CSGALNACT1: variants seen among roughly 807,000 people sequenced by gnomAD.
The protein encoded by CSGALNACT1 is chondroitin sulfate N-acetylgalactosaminyltransferase 1.
Under a neutral mutation model 51.0 loss-of-function variants are expected in CSGALNACT1, and 52 were observed. That is an observed-to-expected ratio of 1.02 (90% CI 0.82 to 1.29). The LOEUF (loss-of-function observed/expected upper bound fraction) is 1.29. CSGALNACT1 is among the 50% of genes most tolerant of loss of function. CSGALNACT1 has a pLI of 0.00. For missense variants in CSGALNACT1, 935 were observed against 679.2 expected (o/e 1.38, Z -4.19); for synonymous variants, 341 against 254.4 (o/e 1.34, Z -3.24).
chr8:19,590,259 G>A (rs183783230), intron 3 of CSGALNACT1, among the ~76,000 whole-genome samples: 14 of 152,304 alleles, frequency 9.2e-5, no homozygotes, highest in African/African-American at 3.1e-4. Flanking sequence ...ACTGAGGTAC[G>A]CTGAGGCATC....
chr8:19,671,712 G>T (rs2059807001), intron 1 of CSGALNACT1, among the ~76,000 whole-genome samples: 1 of 152,178 alleles, frequency 6.6e-6, no homozygotes, highest in Non-Finnish European at 1.5e-5. Context: ...GAGTAGAGCA[G>T]GGTAAAAGGA....
At chr8:19,504,997 C>T (rs1041835090) in intron 4 of CSGALNACT1, among the ~76,000 whole-genome samples, 7 of 152,112 alleles carry the variant, frequency 4.6e-5, no homozygotes, top group African/African-American at 1.7e-4. Context: ...ACTCAATGAC[C>T]GTGGTTTCCA....
intron 1 of CSGALNACT1, among the ~76,000 whole-genome samples, chr8:19,693,852 C>T (rs541275422): frequency 4.6e-5 from 7 of 152,232 alleles, no homozygotes; most frequent in South Asian, 4.1e-4. Flanking sequence ...AAAGTAATTA[C>T]GGTTTTTGCC....
chr8:19,551,275 T>C (rs959541603), intron 3 of CSGALNACT1, among the ~76,000 whole-genome samples: 5 of 152,200 alleles, frequency 3.3e-5, no homozygotes, highest in Admixed American at 6.5e-5. Context: ...GAGTGACCTT[T>C]GACCTCAGAG....
rs966776563 is a variant in CSGALNACT1, at chr8:19,581,847, C to G, written c.-297+9313G>C. 2.0e-5 allele frequency among the ~76,000 whole-genome samples: 3 copies of G among 152,168 alleles called. No individual in the cohort carries two copies. In the East Asian group the frequency reaches 5.8e-4, roughly 29 times the overall value. Reference sequence around the variant, plus strand: ...AGTCTCTTAACATGTAGACGGAAAGCTGCTGTTGTAGGTATTTTTAAATGG... The same window carrying G: ...AGTCTCTTAACATGTAGACGGAAAGGTGCTGTTGTAGGTATTTTTAAATGG... On this transcript the variant is annotated intron_variant, in intron 3 of 9. Coordinates refer to ENST00000454498, the Ensembl canonical transcript of CSGALNACT1.
At position 19,649,018 on chromosome 8, in the gene CSGALNACT1, T is replaced by C. The variant is rs566703731; in HGVS notation, c.-544+33455A>G. On this transcript the variant is annotated intron_variant, in intron 1 of 9. Transcript: ENST00000332246. ...ATATAATAGTACTCTACTGTGTATG[T>C]CCATACAGTAAAGTGAAGACAGACT... Among the ~76,000 whole-genome samples the C allele has an allele frequency of 2.1e-4, 32 of 152,308 alleles. No individual in the cohort carries two copies. In the South Asian group the frequency reaches 6.4e-3, roughly 31 times the overall value.
At chr8:19,606,145 C>T (rs964476686), upstream of CSGALNACT1, among the ~76,000 whole-genome samples, 1 of 152,202 alleles carries the variant, frequency 6.6e-6, no homozygotes, top group South Asian at 2.1e-4. Flanking sequence ...ACCCTCTTCA[C>T]CATCAGCATG....
chr8:19,494,242 T>C (rs2075019766), intron 4 of CSGALNACT1, among the ~76,000 whole-genome samples: 1 of 152,164 alleles, frequency 6.6e-6, no homozygotes, highest in Non-Finnish European at 1.5e-5. Flanking sequence ...ATCAACCAGC[T>C]TGTGCATACC....
intron 1 of CSGALNACT1, among the ~76,000 whole-genome samples, chr8:19,643,864 A>T (rs2056988556): frequency 6.6e-6 from 1 of 152,202 alleles, no homozygotes; most frequent in Non-Finnish European, 1.5e-5. Context: ...CACTCGGGTA[A>T]ACAATTTAGC....
chr8:19,423,450 C>T (rs1380258654), intron 6 of CSGALNACT1, among the ~76,000 whole-genome samples: 1 of 152,110 alleles, frequency 6.6e-6, no homozygotes, highest in Non-Finnish European at 1.5e-5. Context: ...TGCATGCTTA[C>T]CTAATGCACA....
chr8:19,442,594 T>C (rs1300249127), intron 5 of CSGALNACT1, among the ~76,000 whole-genome samples: 3 of 136,928 alleles, frequency 2.2e-5, no homozygotes, highest in Non-Finnish European at 3.2e-5. Context: ...GGGGGAGGGA[T>C]AGCATTAGGA....
intron 1 of CSGALNACT1, among the ~76,000 whole-genome samples, chr8:19,626,560 G>T (rs1014454539): frequency 6.6e-6 from 1 of 152,124 alleles, no homozygotes; most frequent in Non-Finnish European, 1.5e-5. Flanking sequence ...GACACTGAAA[G>T]CATGATCAGT....
chr8:19,467,377 C>G (rs7007527), intron 4 of CSGALNACT1, among the ~76,000 whole-genome samples: 3 of 151,858 alleles, frequency 2.0e-5, no homozygotes, highest in Non-Finnish European at 4.4e-5. Flanking sequence ...TACCTCGGCC[C>G]CCCAAAGTGC....
chr8:19,406,136 A>C, intron 9 of CSGALNACT1, 67 bp from the exon 9 acceptor site: 1 of 1,581,098 alleles, frequency 6.3e-7, no homozygotes, highest in Non-Finnish European at 8.7e-7. Context: ...GAGTTGCAAC[A>C]AGCACAAACT....
intron 1 of CSGALNACT1, among the ~76,000 whole-genome samples, chr8:19,647,887 T>A (rs1277648196): frequency 6.6e-6 from 1 of 152,204 alleles, no homozygotes; most frequent in Non-Finnish European, 1.5e-5. Context: ...ATTTGCATAA[T>A]GAGACATTTG....
intron 3 of CSGALNACT1, among the ~76,000 whole-genome samples, chr8:19,527,061 AG>A (rs1432683137): frequency 6.6e-6 from 1 of 152,216 alleles, no homozygotes; most frequent in Non-Finnish European, 1.5e-5. Context: ...AGCTAAAGAC[AG>A]GTAAAGCTCA....
intron 1 of CSGALNACT1, among the ~76,000 whole-genome samples, chr8:19,619,309 C>G (rs1390504409): frequency 6.6e-6 from 1 of 151,796 alleles, no homozygotes; most frequent in Non-Finnish European, 1.5e-5. Context: ...AGTTTGGAAC[C>G]TGTGAGGAAT....
chr8:19,647,036 A>T (rs963676672), intron 1 of CSGALNACT1, among the ~76,000 whole-genome samples: 1 of 152,120 alleles, frequency 6.6e-6, no homozygotes, highest in East Asian at 1.9e-4. Flanking sequence ...ACCACCGAGC[A>T]CCTGTAAGCC....
At chr8:19,629,621 C>A (rs1256927433) in intron 1 of CSGALNACT1, among the ~76,000 whole-genome samples, 1 of 152,190 alleles carries the variant, frequency 6.6e-6, no homozygotes, top group South Asian at 2.1e-4. Context: ...GACTTTGACA[C>A]CAGCCCCCTA....
Sources: gnomAD v4.1 joint callset for allele counts (sites outside exome capture counted in the v4.1 genomes callset) on GRCh38, gnomAD v4.1.1 for gene constraint, MANE v1.5 for transcripts, NCBI Gene and HGNC (gene_info 2026-07-23, HGNC 2026-07-21) for gene names.